Variants in CCSER2 observed in about 807,000 individuals in gnomAD.
CCSER2 encodes the protein serine-rich coiled-coil domain-containing protein 2.
Under a neutral mutation model 92.3 loss-of-function variants are expected in CCSER2, and 46 were observed. The ratio of observed to expected loss-of-function variants is 0.50; its 90% CI spans 0.39 to 0.64. The LOEUF (loss-of-function observed/expected upper bound fraction) is 0.64. CCSER2 is among the 30% of genes least tolerant of loss of function. The pLI is 0.00. For synonymous variants in CCSER2, 433 were observed against 431.4 expected (o/e 1.00, Z -0.04); for missense variants, 1,244 against 1,238.9 (o/e 1.00, Z -0.06).
intron 3 of CCSER2, among the ~76,000 whole-genome samples, chr10:84,382,213 G>T (rs943770506): frequency 6.6e-6 from 1 of 152,170 alleles, no homozygotes; most frequent in African/African-American, 2.4e-5. Context: ...CACAGGTACT[G>T]ATATGAAGTT....
intron 3 of CCSER2, chr10:84,389,200 G>T: frequency 2.7e-6 from 1 of 375,362 alleles, no homozygotes; most frequent in Non-Finnish European, 5.2e-6. Context: ...CACTGTTTAT[G>T]TCATCTATGA....
chr10:84,487,639 G>A, intron 9 of CCSER2, among the ~76,000 whole-genome samples: 1 of 152,046 alleles, frequency 6.6e-6, no homozygotes, highest in South Asian at 2.1e-4. Flanking sequence ...GGAGATTTTG[G>A]GCTGAGACGA....
chr10:84,447,211 C>T (rs1844979070), intron 6 of CCSER2, among the ~76,000 whole-genome samples: 1 of 152,192 alleles, frequency 6.6e-6, no homozygotes, highest in Non-Finnish European at 1.5e-5. Flanking sequence ...TTACTCCCCT[C>T]AAGTAGTAGA....
chr10:84,391,734 C>T, intron 3 of CCSER2: 5 of 1,488,048 alleles, frequency 3.4e-6, no homozygotes, highest in Non-Finnish European at 9.4e-7. Flanking sequence ...CAAGAGGTGG[C>T]CCCCATGCTA....
In CCSER2 at chr10:84,371,318, A is replaced by T. The variant is rs369819928; in HGVS notation, c.266A>T (p.His89Leu). The change falls in exon 2 of 10, where the codon CAT (histidine) becomes CTT (leucine). Residue 89 changes from histidine to leucine, a missense_variant. His to Leu is a moderately conservative substitution (Grantham distance 99). Transcript: ENST00000372088. ...VEEPNNTQNS[H>L]DKIIDPEKRV... ...GAGCCTAACAATACTCAAAATTCAC[A>T]TGATAAAATAATTGATCCTGAAAAA... 4 of 1,613,746 alleles carry T rather than the reference A, an allele frequency of 2.5e-6. No homozygotes were observed. The South Asian group carries it at 4.4e-5, about 18-fold the overall frequency.
chr10:84,424,195 C>A (rs1199494252), intron 4 of CCSER2, among the ~76,000 whole-genome samples: 1 of 151,206 alleles, frequency 6.6e-6, no homozygotes, highest in Non-Finnish European at 1.5e-5. Flanking sequence ...TTTAAATTTT[C>A]TTTTGCTATC....
intron 1 of CCSER2, among the ~76,000 whole-genome samples, chr10:84,331,110 A>G (rs968451608): frequency 6.6e-6 from 1 of 152,228 alleles, no homozygotes; most frequent in African/African-American, 2.4e-5. Flanking sequence ...ATTTGGTTCA[A>G]CTTTAAAAAT....
chr10:84,505,514 G>C (rs1848993900), intron 9 of CCSER2, among the ~76,000 whole-genome samples: 1 of 152,122 alleles, frequency 6.6e-6, no homozygotes, highest in Non-Finnish European at 1.5e-5. Flanking sequence ...AATAGCTTCA[G>C]CTTCCTTAGA....
At chr10:84,506,361 C>T (rs1348299396) in intron 9 of CCSER2, among the ~76,000 whole-genome samples, 3 of 152,056 alleles carry the variant, frequency 2.0e-5, no homozygotes, top group East Asian at 1.9e-4. Flanking sequence ...ATCTCTAAAG[C>T]GAAAGTCTTT....
chr10:84,401,476 A>G (rs1589557597), intron 3 of CCSER2, among the ~76,000 whole-genome samples: 1 of 152,288 alleles, frequency 6.6e-6, no homozygotes, highest in South Asian at 2.1e-4. Context: ...ACAAACTACT[A>G]AACTTCACCC....
At chr10:84,448,861 C>T (rs991638062) in intron 6 of CCSER2, among the ~76,000 whole-genome samples, 2 of 152,118 alleles carry the variant, frequency 1.3e-5, no homozygotes, top group Non-Finnish European at 2.9e-5. Flanking sequence ...AATTTTTTTA[C>T]TCGCCTTAAT....
intron 3 of CCSER2, among the ~76,000 whole-genome samples, chr10:84,402,049 G>C (rs1418821325): frequency 1.3e-5 from 2 of 152,194 alleles, no homozygotes; most frequent in Non-Finnish European, 2.9e-5. Context: ...AATAGTACTA[G>C]TTGCCAAACT....
rs919134182 is a variant in CCSER2 at position 84,455,591 on chromosome 10, C to A, written c.2065-8342C>A. On this transcript the variant is annotated intron_variant, in intron 6 of 9. Coordinates refer to ENST00000372088, the MANE Select transcript of CCSER2 (RefSeq NM_001284240.2). Reference sequence around the variant, plus strand: ...GCGCCCAGCCTTTTCCACTTTCTTTCTGCATAAAATAAGAACTGTATCAGT... The same window carrying A: ...GCGCCCAGCCTTTTCCACTTTCTTTATGCATAAAATAAGAACTGTATCAGT... 13 of 513,996 alleles carry A rather than the reference C, an allele frequency of 2.5e-5. No individual in the cohort carries two copies. In the Admixed American group the frequency reaches 2.9e-4, roughly 11 times the overall value. 31.8% of individuals were successfully genotyped at this position (513,996 alleles called of 1,614,324 possible). A position where few individuals can be genotyped will look rare whatever the true frequency, so the allele number is the denominator to read the frequency against.
intron 6 of CCSER2, among the ~76,000 whole-genome samples, chr10:84,451,241 TTTGG>T (rs1845267037): frequency 1.3e-5 from 2 of 151,500 alleles, no homozygotes; most frequent in African/African-American, 4.8e-5. Flanking sequence ...AGGTTTTTTT[TTTGG>T]TTGGTTGGGT....
chr10:84,422,142 A>G (rs1843182463), intron 4 of CCSER2, among the ~76,000 whole-genome samples: 1 of 152,224 alleles, frequency 6.6e-6, no homozygotes, highest in South Asian at 2.1e-4. Flanking sequence ...CTCACTTTGC[A>G]GAAGGAAGAA....
intron 1 of CCSER2, among the ~76,000 whole-genome samples, chr10:84,360,300 G>T (rs966711948): frequency 6.6e-6 from 1 of 152,000 alleles, no homozygotes; most frequent in Non-Finnish European, 1.5e-5. Flanking sequence ...TTCTTACTTT[G>T]TGATTCTATC....
At chr10:84,355,860 T>C (rs920783193) in intron 1 of CCSER2, among the ~76,000 whole-genome samples, 1 of 152,150 alleles carries the variant, frequency 6.6e-6, no homozygotes, top group East Asian at 1.9e-4. Flanking sequence ...CCCAGCACTT[T>C]TGGAGGCTGA....
chr10:84,514,377 C>A lies in CCSER2; in HGVS notation c.*110C>A. 1 of 757,950 alleles carries A rather than the reference C, an allele frequency of 1.3e-6. No homozygotes were observed. The highest frequency in any genetic ancestry group is 2.1e-6 in the Non-Finnish European group (1 of 484,776). The allele number at this position is 757,950 out of a possible 1,614,324, so 47.0% of individuals were successfully genotyped here. On this transcript the variant is annotated 3_prime_UTR_variant, in exon 10 of 10. Coordinates refer to ENST00000372088, the MANE Select transcript of CCSER2 (RefSeq NM_001284240.2). ...TGGTGGAGGTTCCATTGAAAGCCTG[C>A]AAATCTTAAATTAAAATGTGGAAGC...
At chr10:84,445,240 G>A (rs939112865) in intron 6 of CCSER2, among the ~76,000 whole-genome samples, 28 of 152,058 alleles carry the variant, frequency 1.8e-4, no homozygotes, top group African/African-American at 6.3e-4. Context: ...TGCAAGCTCC[G>A]CCTCCTGGGC....
Sources: gnomAD v4.1 joint callset for allele counts (sites outside exome capture counted in the v4.1 genomes callset) on GRCh38, gnomAD v4.1.1 for gene constraint, MANE v1.5 for transcripts, NCBI Gene and HGNC (gene_info 2026-07-23, HGNC 2026-07-21) for gene names.